The following EIF2AK4 variants were observed in gnomAD, a reference collection of about 807,000 sequenced individuals.
EIF2AK4 encodes eIF-2-alpha kinase GCN2.
A neutral mutation model predicts 211.1 loss-of-function variants in EIF2AK4; 139 were observed. That is an observed-to-expected ratio of 0.66 (90% CI 0.57 to 0.76). The LOEUF is 0.76. Ranked by LOEUF, EIF2AK4 falls within the 30% of genes least tolerant of loss-of-function variation. The probability of loss-of-function intolerance (pLI) is 0.00; values close to 1 mark genes in which losing one functional copy is unlikely to be tolerated. For missense variants in EIF2AK4, 1,664 were observed against 2,043.8 expected (o/e 0.81, Z 3.58); for synonymous variants, 710 against 751.3 (o/e 0.94, Z 0.90).
intron 3 of EIF2AK4, among the ~76,000 whole-genome samples, chr15:39,944,866 A>G (rs984803738): frequency 6.6e-6 from 1 of 152,230 alleles, no homozygotes; most frequent in Non-Finnish European, 1.5e-5. Context: ...CTTGCTTTTC[A>G]TAACACAATG....
At chr15:39,973,544 C>T (rs762389883) in intron 10 of EIF2AK4, 48 bp from the exon 11 acceptor site, 2 of 1,546,956 alleles carry the variant, frequency 1.3e-6, no homozygotes, top group Non-Finnish European at 1.7e-6. Context: ...GTAGCTCTTC[C>T]TAAATTTCCA....
Position 39,990,324 on chromosome 15 carries a change from G to T in EIF2AK4, c.2578G>T (p.Asp860Tyr), listed in dbSNP as rs374149288. The T allele has an allele frequency of 6.2e-7, 1 of 1,614,086 alleles. No individual in the cohort carries two copies. Among genetic ancestry groups the T allele is most frequent in the Non-Finnish European group, 8.5e-7 (1 of 1,180,042 alleles). Residue 860 changes from aspartate to tyrosine, a missense_variant, in exon 16 of 39, where the codon GAC becomes TAC. Coordinates refer to ENST00000263791, the MANE Select transcript of EIF2AK4 (RefSeq NM_001013703.4). ...KPVNIFLDSD[D>Y]HVKIGDFGLA... ...TGTCAACATTTTTTTGGATTCTGATGACCATGTGAAAATAGGTGATTTTGG... is the reference window on the plus strand; with the variant it reads ...TGTCAACATTTTTTTGGATTCTGATTACCATGTGAAAATAGGTGATTTTGG...
chr15:39,992,077 A>T, intron 16 of EIF2AK4, 98 bp from the exon 17 acceptor site: 1 of 1,120,768 alleles, frequency 8.9e-7, no homozygotes, highest in South Asian at 1.6e-5. Flanking sequence ...TTTGATTTCC[A>T]TGTAATATTT....
chr15:40,006,520 G>C (rs2140937005), intron 23 of EIF2AK4, among the ~76,000 whole-genome samples: 1 of 152,080 alleles, frequency 6.6e-6, no homozygotes, highest in South Asian at 2.1e-4. Flanking sequence ...GATCTGTTGG[G>C]GCAATCTAAC....
rs79785463 is a variant in EIF2AK4, at chr15:39,957,730, A to T, written c.743+1962A>T. Among the ~76,000 whole-genome samples the T allele has an allele frequency of 5.0e-3, 765 of 152,274 alleles. 6 individuals carry two copies. The highest frequency in any genetic ancestry group is 0.018 in the African/African-American group (728 of 41,548). ...ATGGTAGGTGCCTGGTCAACATCTG[A>T]TGCAGGGAGGGAGCCAGGGAGGGAA... On this transcript the variant is annotated intron_variant, in intron 6 of 38. Coordinates refer to ENST00000263791, the MANE Select transcript of EIF2AK4 (RefSeq NM_001013703.4).
In EIF2AK4 at chr15:40,008,019, C is replaced by G; in HGVS notation, c.3408-8C>G. 3 of 1,520,236 alleles carry G rather than the reference C, an allele frequency of 2.0e-6. No homozygotes were observed. Among genetic ancestry groups the G allele is most frequent in the Non-Finnish European group, 2.6e-6 (3 of 1,133,960 alleles). 94.2% of individuals were successfully genotyped at this position (1,520,236 alleles called of 1,614,324 possible). A position where few individuals can be genotyped will look rare whatever the true frequency, so the allele number is the denominator to read the frequency against. On this transcript the variant is annotated splice_region_variant and splice_polypyrimidine_tract_variant and intron_variant, in intron 24 of 38. Transcript: ENST00000263791. ...AATGACCTTAGAAATCTGGGTTTCT[C>G]TCTCCAGATACTGCATAGAACGTGT...
At position 39,988,098 on chromosome 15, in the gene EIF2AK4, A is replaced by G. The variant is rs751981515; in HGVS notation, c.2519A>G (p.His840Arg). The G allele has an allele frequency of 6.2e-7, 1 of 1,614,096 alleles. No individual in the cohort carries two copies. The highest frequency in any genetic ancestry group is 8.5e-7 in the Non-Finnish European group (1 of 1,179,998). The change falls in exon 15 of 39, where the codon CAT becomes CGT. Residue 840 changes from histidine to arginine, a missense_variant. This residue lies in a region of EIF2AK4 where 622 missense variants were observed against 796.8 expected (regional missense o/e 0.78). Coordinates refer to ENST00000263791, the MANE Select transcript of EIF2AK4 (RefSeq NM_001013703.4). ...ATTCTGGATGGATTAGCTTATATCCATGAGAAAGTAAACTTTACAACATTT... is the reference window on the plus strand; with the variant it reads ...ATTCTGGATGGATTAGCTTATATCCGTGAGAAAGTAAACTTTACAACATTT... ...REILDGLAYI[H>R]EKGMIHRDLK...
chr15:39,938,908 A>G (rs1041939704), intron 1 of EIF2AK4, among the ~76,000 whole-genome samples: 2 of 152,210 alleles, frequency 1.3e-5, no homozygotes, highest in African/African-American at 4.8e-5. Context: ...AGTGTATCTA[A>G]ATTGAAGAAC....
intron 2 of EIF2AK4, among the ~76,000 whole-genome samples, chr15:39,941,830 C>A (rs1338339112): frequency 6.6e-6 from 1 of 152,138 alleles, no homozygotes; most frequent in Non-Finnish European, 1.5e-5. Context: ...CAGATGTTGG[C>A]AGATATCCCC....
In EIF2AK4 at chr15:40,022,563, C is replaced by T. The variant is rs1567008502; in HGVS notation, c.4347C>T (p.Thr1449=). ...AGTACTGCAGACATCATGAAATCAC[C>T]TATGTGGCCCTTGTCTCGGATAAAG... The part of the protein sequence containing the change: ...LQEYCRHHEI[T]YVALVSDKEG... Residue 1449 remains threonine, a synonymous_variant, in exon 32 of 39, where the codon ACC becomes ACT. Transcript: ENST00000263791. 1 of 1,614,152 alleles carries T rather than the reference C, an allele frequency of 6.2e-7. No homozygotes were observed. Among genetic ancestry groups the T allele is most frequent in the Admixed American group, 1.7e-5 (1 of 60,018 alleles).
chr15:40,030,486 CTAATA>C (rs759603942), intron 35 of EIF2AK4, 30 bp downstream of exon 35: 47 of 1,571,612 alleles, frequency 3.0e-5, no homozygotes, highest in South Asian at 4.5e-5. Flanking sequence ...CTTTGGCTTT[CTAATA>C]TGAGTTACAG....
chr15:40,012,613 A>G (rs1419144306), intron 27 of EIF2AK4, among the ~76,000 whole-genome samples: 1 of 152,198 alleles, frequency 6.6e-6, no homozygotes, highest in Non-Finnish European at 1.5e-5. Context: ...TCTATACCCA[A>G]GTTTCCAACC....
At position 39,934,185 on chromosome 15, in the gene EIF2AK4, G is replaced by T; in HGVS notation, c.-11G>T. On this transcript the variant is annotated 5_prime_UTR_variant, in exon 1 of 39. Coordinates refer to ENST00000263791, the MANE Select transcript of EIF2AK4 (RefSeq NM_001013703.4). ...CAGGCAAGGCCGCCCTGCCTTGGGC[G>T]CAGCGCTGCCATGGCTGGGGGCCGT... The T allele has an allele frequency of 6.6e-7, 1 of 1,514,770 alleles. No homozygotes were observed. Among genetic ancestry groups the T allele is most frequent in the Non-Finnish European group, 8.8e-7 (1 of 1,133,056 alleles). The allele number at this position is 1,514,770 out of a possible 1,614,324, so 93.8% of individuals were successfully genotyped here. A position where few individuals can be genotyped will look rare whatever the true frequency, so the allele number is the denominator to read the frequency against.
intron 13 of EIF2AK4, among the ~76,000 whole-genome samples, chr15:39,980,203 A>G (rs1397392831): frequency 6.6e-6 from 1 of 152,242 alleles, no homozygotes; most frequent in African/African-American, 2.4e-5. Context: ...GCTACCTCAT[A>G]GGAACTGAAA....
At chr15:39,958,219 TAGA>T (rs1203874024) in intron 6 of EIF2AK4, among the ~76,000 whole-genome samples, 1 of 152,258 alleles carries the variant, frequency 6.6e-6, no homozygotes, top group Non-Finnish European at 1.5e-5. Flanking sequence ...ATGAATTTTG[TAGA>T]AGAAGCAAAA....
At chr15:40,031,304 G>A (rs146664027) in intron 35 of EIF2AK4, among the ~76,000 whole-genome samples, 1 of 152,334 alleles carries the variant, frequency 6.6e-6, no homozygotes, top group Non-Finnish European at 1.5e-5. Context: ...AGAGTATGCT[G>A]TGGACATATG....
In EIF2AK4 at chr15:39,966,394, G is replaced by A. The variant is rs527648119; in HGVS notation, c.1017+551G>A. ...TGAGGTGGGATAATTGCTTGAGCCC[G>A]GGAGGCTGAGGTGGGATAATTGCTT... On this transcript the variant is annotated intron_variant, in intron 8 of 38. Transcript: ENST00000263791. Among the ~76,000 whole-genome samples the A allele has an allele frequency of 7.9e-5, 12 of 151,668 alleles. No individual in the cohort carries two copies. The East Asian group carries it at 9.7e-4, about 12-fold the overall frequency.
chr15:40,016,430 G>A (rs1449862494), intron 27 of EIF2AK4, 72 bp from the exon 28 acceptor site: 2 of 1,574,096 alleles, frequency 1.3e-6, no homozygotes, highest in South Asian at 1.1e-5. Flanking sequence ...TCCTGCAGGT[G>A]CACACAGTCG....
intron 1 of EIF2AK4, among the ~76,000 whole-genome samples, chr15:39,934,820 C>T (rs1471659838): frequency 6.6e-6 from 1 of 152,226 alleles, no homozygotes; most frequent in Non-Finnish European, 1.5e-5. Context: ...ACATAATTCC[C>T]TCTGTACTCC....
Sources: gnomAD v4.1 joint callset for allele counts (sites outside exome capture counted in the v4.1 genomes callset) on GRCh38, gnomAD v4.1.1 for gene constraint, gnomAD v4.1.1 regional missense constraint, MANE v1.5 for transcripts, NCBI Gene and HGNC (gene_info 2026-07-23, HGNC 2026-07-21) for gene names.